TUBGCP6: variants seen among roughly 807,000 people sequenced by gnomAD.
TUBGCP6 encodes gamma-tubulin complex component 6.
TUBGCP6 carries 161 observed loss-of-function variants against 175.8 expected under a neutral mutation model. The observed-to-expected ratio is 0.92, with a 90% confidence interval of 0.81 to 1.04. The LOEUF (loss-of-function observed/expected upper bound fraction) is 1.04, where lower values mean the gene tolerates loss of function less well. Among genes scored for constraint, TUBGCP6 ranks in the 50% least tolerant of loss-of-function variants. TUBGCP6 has a pLI of 0.00. For synonymous variants in TUBGCP6, 1,173 were observed against 1,030.5 expected, an observed-to-expected ratio of 1.14 and a Z score of -2.65; for missense variants, 2,572 against 2,433.0, an observed-to-expected ratio of 1.06 and a Z score of -1.20.
intron 2 of TUBGCP6, among the ~76,000 whole-genome samples, chr22:50,239,926 G>C (rs2064819446): frequency 6.6e-6 from 1 of 152,152 alleles, no homozygotes; most frequent in Non-Finnish European, 1.5e-5. Context: ...CCCGACAGGT[G>C]TGATCTGGTT....
chr22:50,239,050 C>A (rs74515891), intron 2 of TUBGCP6, among the ~76,000 whole-genome samples: 2,337 of 152,332 alleles, frequency 0.015, 63 homozygotes, highest in East Asian at 0.12. Context: ...CCAGAGCACT[C>A]AGCTCCCAGC....
In TUBGCP6 at chr22:50,220,726, C is replaced by T; in HGVS notation, c.3633G>A (p.Arg1211=). The stretch of plus-strand genomic sequence containing the variant: ...CAGACACATGTCCGTGGGTGTTCCA[C>T]CGTGGCCGGGTGGGAGCCATGTCTG... ...SVSDMAPTRP[R]WNTHGHVSDT... Residue 1211 remains arginine, a synonymous_variant, in exon 16 of 25, where the codon CGG becomes CGA. Transcript: ENST00000248846. The T allele has an allele frequency of 6.2e-7, 1 of 1,611,330 alleles. No individual in the cohort carries two copies. The highest frequency in any genetic ancestry group is 8.5e-7 in the Non-Finnish European group (1 of 1,179,322).
At chr22:50,237,928 G>A (rs1034676772) in intron 2 of TUBGCP6, among the ~76,000 whole-genome samples, 1 of 152,158 alleles carries the variant, frequency 6.6e-6, no homozygotes, top group East Asian at 1.9e-4. Context: ...TTCAAGACCA[G>A]CCTGACCAAC....
rs2064519068 is a variant in TUBGCP6, at chr22:50,221,307, T to C, written c.3052A>G (p.Ser1018Gly). ...AAGAGCCGCTCTGTGGGCTGGCTGC[T>C]CCCCTCCTCCAGAGCAGCACGCCTG... ...PPRRAALEEG[S>G]SQPTERLFGQ... The change falls in exon 16 of 25, where the codon AGC becomes GGC. Residue 1018 changes from serine (S) to glycine (G), a missense_variant. Transcript: ENST00000248846. The C allele has an allele frequency of 6.2e-7, 1 of 1,613,508 alleles. No homozygotes were observed. Among genetic ancestry groups the C allele is most frequent in the Non-Finnish European group, 8.5e-7 (1 of 1,180,004 alleles).
intron 2 of TUBGCP6, among the ~76,000 whole-genome samples, chr22:50,236,873 C>T (rs1438981010): frequency 6.6e-6 from 1 of 152,178 alleles, no homozygotes; most frequent in Non-Finnish European, 1.5e-5. Context: ...GCAGCCACTT[C>T]CACCCCATCT....
chr22:50,226,270 A>C lies in TUBGCP6; in HGVS notation c.1693+17T>G, dbSNP rs1238645423. ...CCACAGGCACGGACCCCTGCCCCGC[A>C]ATCAGCTGCCACCTACCTCGGAAGC... On this transcript the variant is annotated intron_variant, in intron 8 of 24. Coordinates refer to ENST00000248846, the MANE Select transcript of TUBGCP6 (RefSeq NM_020461.4). The C allele has an allele frequency of 2.5e-6, 4 of 1,613,964 alleles. No individual in the cohort carries two copies.
chr22:50,218,600 A>C lies in TUBGCP6; in HGVS notation c.4842T>G (p.Ile1614Met). 3 of 1,613,576 alleles carry C rather than the reference A, an allele frequency of 1.9e-6. No individual in the cohort carries two copies. Among genetic ancestry groups the C allele is most frequent in the Non-Finnish European group, 1.7e-6 (2 of 1,179,806 alleles). Residue 1614 changes from isoleucine to methionine, a missense_variant, in exon 22 of 25, where the codon ATT becomes ATG. Physicochemically the swap from Ile to Met is conservative, Grantham distance 10 (BLOSUM62 1). Transcript: ENST00000248846. ...TGCTCACGCAGCCCTCGGTGATGAC[A>C]ATGTTGAGAGGCCAGTCCACCTGCC... Reference protein sequence around the residue: ...LRYKVDWPLNIVITEGCVSKY... With the variant: ...LRYKVDWPLNMVITEGCVSKY...
In TUBGCP6 at chr22:50,220,511, G is replaced by T; in HGVS notation, c.3848C>A (p.Ser1283Ter). 6.2e-7 allele frequency: 1 copy of T among 1,613,494 alleles called. No individual in the cohort carries two copies. The highest frequency in any genetic ancestry group is 8.5e-7 in the Non-Finnish European group (1 of 1,180,014). The change falls in exon 16 of 25, where the codon TCA becomes TAA. Residue 1283 changes from serine (S) to a stop codon, truncating the protein, a stop_gained. Transcript: ENST00000248846. LOFTEE classifies it high-confidence loss of function. ...GGGTGTGTTGGGCTCAGCTTCTGGTGAGAGAGCCCCCAGCACCATGTGGGG... is the reference window on the plus strand; with the variant it reads ...GGGTGTGTTGGGCTCAGCTTCTGGTTAGAGAGCCCCCAGCACCATGTGGGG... The part of the protein sequence containing the change: ...PPPHMVLGAL[S>*]PEAEPNTPRP...
chr22:50,234,248 G>C (rs1219960220), intron 2 of TUBGCP6, among the ~76,000 whole-genome samples: 1 of 124,596 alleles, frequency 8.0e-6, no homozygotes, highest in Non-Finnish European at 1.6e-5. Flanking sequence ...CACACCCTCT[G>C]TCCACGGAAG....
intron 1 of TUBGCP6, among the ~76,000 whole-genome samples, chr22:50,241,409 T>G (rs572676793): frequency 3.1e-4 from 47 of 151,648 alleles, no homozygotes; most frequent in African/African-American, 1.1e-3. Context: ...GGAAAGGGAG[T>G]CTCCCTTTCC....
In TUBGCP6 at chr22:50,219,540, G is replaced by T. The variant is rs530369050; in HGVS notation, c.4316-84C>A. The stretch of plus-strand genomic sequence containing the variant: ...TCCACAGGAGATGGAGCACGTGCTG[G>T]GAACTGGCTAGCCCAGGGCTCCGCC... On this transcript the variant is annotated intron_variant, in intron 18 of 24. Coordinates refer to ENST00000248846, the MANE Select transcript of TUBGCP6 (RefSeq NM_020461.4). The T allele has an allele frequency of 5.6e-5, 89 of 1,585,326 alleles. No homozygotes were observed. The African/African-American group carries it at 1.1e-3, about 20-fold the overall frequency.
At chr22:50,236,806 T>C (rs1411691851) in intron 2 of TUBGCP6, among the ~76,000 whole-genome samples, 2 of 152,164 alleles carry the variant, frequency 1.3e-5, no homozygotes, top group Admixed American at 1.3e-4. Flanking sequence ...CCTGCATTTC[T>C]TCCTGCAGAT....
At chr22:50,227,510 C>T (rs1020225367) in intron 5 of TUBGCP6, among the ~76,000 whole-genome samples, 7 of 152,238 alleles carry the variant, frequency 4.6e-5, no homozygotes, top group African/African-American at 1.7e-4. Flanking sequence ...CACTCTGCTC[C>T]TCAGCCTGGA....
At chr22:50,236,696 C>G (rs958186431) in intron 2 of TUBGCP6, among the ~76,000 whole-genome samples, 6 of 152,210 alleles carry the variant, frequency 3.9e-5, no homozygotes, top group African/African-American at 1.4e-4. Context: ...GATGTCCAGT[C>G]AGCAGGTGGG....
intron 5 of TUBGCP6, among the ~76,000 whole-genome samples, chr22:50,227,568 T>C (rs1220597836): frequency 6.6e-6 from 1 of 152,106 alleles, no homozygotes; most frequent in Non-Finnish European, 1.5e-5. Context: ...CACTCTTCCT[T>C]CTCTGATGGC....
At position 50,219,109 on chromosome 22, in the gene TUBGCP6, C is replaced by T. The variant is rs576464385; in HGVS notation, c.4585G>A (p.Gly1529Ser). ...TCGCTGAGGGACTGGGCGAACTCGC[C>T]GTCCTCCATCAGCAGGAAGTGCCGC... ...ALRHFLLMED[G>S]EFAQSLSDLL... The change falls in exon 20 of 25, where the codon GGC becomes AGC. Residue 1529 changes from glycine to serine, a missense_variant. Gly to Ser is a moderately conservative substitution (Grantham distance 56). Transcript: ENST00000248846. The T allele has an allele frequency of 6.2e-6, 10 of 1,612,976 alleles. No individual in the cohort carries two copies. The Admixed American group carries it at 6.7e-5, about 11-fold the overall frequency.
At position 50,226,141 on chromosome 22, in the gene TUBGCP6, T is replaced by C; in HGVS notation, c.1742A>G (p.Glu581Gly). 6.2e-7 allele frequency: 1 copy of C among 1,614,146 alleles called. No individual in the cohort carries two copies. The highest frequency in any genetic ancestry group is 8.5e-7 in the Non-Finnish European group (1 of 1,180,026). Residue 581 changes from glutamate to glycine, a missense_variant, in exon 9 of 25, where the codon GAG becomes GGG. Glu to Gly is a moderately conservative substitution (Grantham distance 98). Coordinates refer to ENST00000248846, the MANE Select transcript of TUBGCP6 (RefSeq NM_020461.4). ...HGYVLISKEVEDCVPVFLKHI... is the reference protein window; with the variant it reads ...HGYVLISKEVGDCVPVFLKHI... Reference sequence around the variant, plus strand: ...CTTCAGAAACACGGGAACACAGTCCTCCACCTCTTTGGAGATGAGCACGTA... The same window carrying C: ...CTTCAGAAACACGGGAACACAGTCCCCCACCTCTTTGGAGATGAGCACGTA...
chr22:50,218,508 C>G lies in TUBGCP6; in HGVS notation c.4934G>C (p.Cys1645Ser). The change falls in exon 22 of 25, where the codon TGC (cysteine) becomes TCC (serine). Residue 1645 changes from cysteine to serine, a missense_variant. Coordinates refer to ENST00000248846, the MANE Select transcript of TUBGCP6 (RefSeq NM_020461.4). ...CTCACCTGTGCGCTTGAGGTGGAAG[C>G]AGACGTCCTTGAGCGCCCACATCAT... The part of the protein sequence containing the change: ...KLMMWALKDV[C>S]FHLKRTALLS... 1.2e-6 allele frequency: 2 copies of G among 1,613,638 alleles called. No homozygotes were observed. The highest frequency in any genetic ancestry group is 1.7e-6 in the Non-Finnish European group (2 of 1,179,964).
intron 16 of TUBGCP6, 58 bp from the exon 17 acceptor site, chr22:50,220,073 G>A (rs990578676): frequency 1.6e-5 from 25 of 1,574,494 alleles, no homozygotes; most frequent in Non-Finnish European, 2.1e-5. Context: ...GGCGGGTACA[G>A]AGCCGAGCCG....
Sources: allele counts gnomAD v4.1 joint callset (sites outside exome capture counted in the v4.1 genomes callset), GRCh38; gene constraint gnomAD v4.1.1; transcripts MANE v1.5; gene names NCBI Gene and HGNC (gene_info 2026-07-23, HGNC 2026-07-21).